Variants in SC5D observed in about 807,000 individuals in gnomAD.
SC5D encodes the protein lathosterol oxidase.
In SC5D, 21 loss-of-function variants were observed where a neutral mutation model predicts 23.9. The ratio of observed to expected loss-of-function variants is 0.88; its 90% CI spans 0.62 to 1.26. The LOEUF (loss-of-function observed/expected upper bound fraction) is 1.26, where lower values mean the gene tolerates loss of function less well. Ranked by LOEUF, SC5D falls within the 50% of genes most tolerant of loss-of-function variation. The pLI is 0.00. For missense variants in SC5D, 309 were observed against 364.8 expected (o/e 0.85, Z 1.25); for synonymous variants, 113 against 125.9 (o/e 0.90, Z 0.68).
intron 3 of SC5D, 76 bp from the exon 4 acceptor site, chr11:121,306,310 A>C (rs1268377724): frequency 1.3e-6 from 1 of 757,758 alleles, no homozygotes; most frequent in African/African-American, 1.7e-5. Flanking sequence ...TTTTGCACTC[A>C]GATGGACATG....
At chr11:121,304,693 C>T in intron 3 of SC5D, 200 bp downstream of exon 3, 1 of 533,286 alleles carries the variant, frequency 1.9e-6, no homozygotes, top group Non-Finnish European at 3.3e-6. Flanking sequence ...TGAAAGTCTG[C>T]TGTAGATGAG....
intron 1 of SC5D, among the ~76,000 whole-genome samples, chr11:121,302,961 G>A (rs1947935948): frequency 6.6e-6 from 1 of 152,164 alleles, no homozygotes; most frequent in South Asian, 2.1e-4. Flanking sequence ...AGAGAGATGA[G>A]CTGAAACTTG....
intron 1 of SC5D, among the ~76,000 whole-genome samples, chr11:121,294,303 T>G (rs1947874196): frequency 1.3e-5 from 2 of 152,146 alleles, no homozygotes; most frequent in Admixed American, 1.3e-4. Context: ...TGAACATTTT[T>G]AAAAATTCAG....
In SC5D at chr11:121,310,456, T is replaced by C. The variant is rs1269305506; in HGVS notation, c.*2944T>C. On this transcript the variant is annotated 3_prime_UTR_variant, in exon 5 of 5. Transcript: ENST00000264027. ...GTTCAGCCCTTCTGTCTCCTGTCCC[T>C]TTTTTTTTTTTTTTTTTTGAGATGG... 9.6e-4 allele frequency among the ~76,000 whole-genome samples: 30 copies of C among 31,304 alleles called. No homozygotes were observed. Among genetic ancestry groups the C allele is most frequent in the South Asian group, 1.6e-3 (2 of 1,290 alleles). The allele number at this position is 31,304 out of a possible 152,430, so 20.5% of individuals were successfully genotyped here.
intron 1 of SC5D, among the ~76,000 whole-genome samples, 197 bp from the exon 2 acceptor site, chr11:121,303,169 A>T (rs1947937546): frequency 6.6e-6 from 1 of 152,192 alleles, no homozygotes. Flanking sequence ...CATACATAGT[A>T]TGAAGAGATT....
rs759713704 is a variant in SC5D, at chr11:121,308,597, A to G, written c.*1085A>G. ...AGTTTGTAAAGGCATTCTATAAGCT[A>G]TTTATGTAAAATCAATAAAAGTTGA... On this transcript the variant is annotated 3_prime_UTR_variant, in exon 5 of 5. Transcript: ENST00000264027. 6.5e-6 allele frequency: 1 copy of G among 152,698 alleles called. No individual in the cohort carries two copies. Among genetic ancestry groups the G allele is most frequent in the Non-Finnish European group, 1.5e-5 (1 of 68,046 alleles). The allele number at this position is 152,698 out of a possible 1,614,324, so 9.5% of individuals were successfully genotyped here.
chr11:121,301,303 GTT>G lies in SC5D; in HGVS notation c.-10-2046_-10-2045del, dbSNP rs34614904. Among the ~76,000 whole-genome samples, 1,067 of 142,484 alleles carry G rather than the reference GTT, an allele frequency of 7.5e-3. 8 individuals carry two copies. Among genetic ancestry groups the G allele is most frequent in the African/African-American group, 0.017 (646 of 39,018 alleles). 93.5% of individuals were successfully genotyped at this position (142,484 alleles called of 152,430 possible). On this transcript the variant is annotated intron_variant, in intron 1 of 4. Coordinates refer to ENST00000264027, the MANE Select transcript of SC5D (RefSeq NM_006918.5). ...AGAGAATATCAATAAAGTGATAAAAGTTTTTTTTTTTTTTTTTTAAAGAACCA... is the reference window on the plus strand; with the variant it reads ...AGAGAATATCAATAAAGTGATAAAAGTTTTTTTTTTTTTTTTAAAGAACCA...
chr11:121,309,559 A>G lies in SC5D; in HGVS notation c.*2047A>G, dbSNP rs1181866682. On this transcript the variant is annotated 3_prime_UTR_variant, in exon 5 of 5. Transcript: ENST00000264027. ...CACACTAATCATCTCAGTGTCTTTA[A>G]TTCTTAACTCCAATATGAATGTTTA... is the stretch of plus-strand genomic sequence containing the variant. 1.3e-5 allele frequency among the ~76,000 whole-genome samples: 2 copies of G among 152,196 alleles called. No homozygotes were observed. The highest frequency in any genetic ancestry group is 3.9e-4 in the East Asian group (2 of 5,194).
Position 121,312,239 on chromosome 11 carries a change from A to G in SC5D, c.*4727A>G, listed in dbSNP as rs1948016194. Among the ~76,000 whole-genome samples, 1 of 152,208 alleles carries G rather than the reference A, an allele frequency of 6.6e-6. No homozygotes were observed. On this transcript the variant is annotated 3_prime_UTR_variant, in exon 5 of 5. Transcript: ENST00000264027. The stretch of plus-strand genomic sequence containing the variant: ...TGTCAACAAGCTTTACTGTCAAAGC[A>G]GGCTTTTGGTATGGGAAGAAAAATA...
At chr11:121,303,218 A>G (rs1947937827) in intron 1 of SC5D, 148 bp from the exon 2 acceptor site, 1 of 657,324 alleles carries the variant, frequency 1.5e-6, no homozygotes, top group South Asian at 1.8e-5. Flanking sequence ...CTGGCTCTAA[A>G]GATGGCATGT....
rs200034416 is a variant in SC5D, at chr11:121,306,528, T to G, written c.444+42T>G. On this transcript the variant is annotated intron_variant, in intron 4 of 4. Transcript: ENST00000264027. ...TGAAAAGAGAAAAAAGGTTACACAT[T>G]TCAGCAATGTATGATTATAAATTCT... 286 of 932,764 alleles carry G rather than the reference T, an allele frequency of 3.1e-4. 2 individuals carry two copies. In the African/African-American group the frequency reaches 4.0e-3, roughly 13 times the overall value. The allele number at this position is 932,764 out of a possible 1,614,324, so 57.8% of individuals were successfully genotyped here. A position where few individuals can be genotyped will look rare whatever the true frequency, so the allele number is the denominator to read the frequency against.
chr11:121,304,626 T>G, intron 3 of SC5D, 133 bp downstream of exon 3: 1 of 792,182 alleles, frequency 1.3e-6, no homozygotes, highest in Non-Finnish European at 2.1e-6. Context: ...TTTAATGTTC[T>G]ATTTTCATGT....
chr11:121,300,817 G>A (rs1229877754), intron 1 of SC5D, among the ~76,000 whole-genome samples: 2 of 152,224 alleles, frequency 1.3e-5, no homozygotes, highest in Non-Finnish European at 2.9e-5. Context: ...AGTATTGAAA[G>A]CATGGCCCAA....
At position 121,312,559 on chromosome 11, in the gene SC5D, TC is replaced by T. The variant is rs1347535808; in HGVS notation, c.*5048del. 6.6e-6 allele frequency among the ~76,000 whole-genome samples: 1 copy of T among 152,098 alleles called. No homozygotes were observed. Among genetic ancestry groups the T allele is most frequent in the Non-Finnish European group, 1.5e-5 (1 of 67,986 alleles). On this transcript the variant is annotated 3_prime_UTR_variant, in exon 5 of 5. Coordinates refer to ENST00000264027, the MANE Select transcript of SC5D (RefSeq NM_006918.5). ...CAGATTTTTCTAAACACTTCACAACTCACGATTCAAACAAAGACAAAATAGC... is the reference window on the plus strand; with the variant it reads ...CAGATTTTTCTAAACACTTCACAACTACGATTCAAACAAAGACAAAATAGC...
chr11:121,296,308 C>T (rs2134262343), intron 1 of SC5D, among the ~76,000 whole-genome samples: 1 of 152,334 alleles, frequency 6.6e-6, no homozygotes, highest in Middle Eastern at 3.4e-3. Flanking sequence ...CAGATCCCTC[C>T]ATGCGTAGTC....
At chr11:121,299,389 CT>C (rs1947911280) in intron 1 of SC5D, among the ~76,000 whole-genome samples, 5 of 152,000 alleles carry the variant, frequency 3.3e-5, no homozygotes, top group Non-Finnish European at 4.4e-5. Flanking sequence ...AAGTATTTAA[CT>C]TTGATTTTAT....
Position 121,303,984 on chromosome 11 carries a change from A to T in SC5D, c.211-377A>T, listed in dbSNP as rs181881356. 1.1e-4 allele frequency: 28 copies of T among 255,792 alleles called. No homozygotes were observed. The East Asian group carries it at 2.7e-3, about 25-fold the overall frequency. The allele number at this position is 255,792 out of a possible 1,614,324, so 15.8% of individuals were successfully genotyped here. A position where few individuals can be genotyped will look rare whatever the true frequency, so the allele number is the denominator to read the frequency against. Reference sequence around the variant, plus strand: ...CTCAGTAGTTTTAAAGTTGTTTACAATCATTTTTAAATTTCGGTTGTTTGT... The same window carrying T: ...CTCAGTAGTTTTAAAGTTGTTTACATTCATTTTTAAATTTCGGTTGTTTGT... On this transcript the variant is annotated intron_variant, in intron 2 of 4. Transcript: ENST00000264027.
At chr11:121,294,067 A>C (rs1468079503) in intron 1 of SC5D, among the ~76,000 whole-genome samples, 1 of 152,256 alleles carries the variant, frequency 6.6e-6, no homozygotes, top group Admixed American at 6.5e-5. Context: ...AATATTAGCT[A>C]TCATTTTCTA....
chr11:121,300,146 C>T (rs1012948401), intron 1 of SC5D, among the ~76,000 whole-genome samples: 1 of 152,158 alleles, frequency 6.6e-6, no homozygotes, highest in Non-Finnish European at 1.5e-5. Context: ...AAAACACTGA[C>T]AGAAGTTGTC....
Sources: allele counts gnomAD v4.1 joint callset (sites outside exome capture counted in the v4.1 genomes callset), GRCh38; gene constraint gnomAD v4.1.1; transcripts MANE v1.5; gene names NCBI Gene and HGNC (gene_info 2026-07-23, HGNC 2026-07-21).